Variants in ZNF644 observed in about 807,000 individuals in gnomAD.
The protein encoded by ZNF644 is zinc finger protein 644.
Under a neutral mutation model 108.0 loss-of-function variants are expected in ZNF644, and 20 were observed. The observed-to-expected ratio is 0.19, with a 90% CI of 0.13 to 0.27. The LOEUF (loss-of-function observed/expected upper bound fraction) is 0.27. Ranked by LOEUF, ZNF644 falls within the 10% of genes least tolerant of loss-of-function variation. ZNF644 has a pLI of 1.00. For synonymous variants in ZNF644, 542 were observed against 539.1 expected, an observed-to-expected ratio of 1.01 and a Z score of -0.08; for missense variants, 1,338 against 1,548.9, an observed-to-expected ratio of 0.86 and a Z score of 2.29.
intron 2 of ZNF644, among the ~76,000 whole-genome samples, chr1:90,970,583 T>C (rs1178570692): frequency 1.3e-5 from 2 of 152,194 alleles, no homozygotes. Context: ...AATTCCAATC[T>C]AAATGACTCT....
intron 2 of ZNF644, among the ~76,000 whole-genome samples, chr1:90,947,805 C>T (rs1031621778): frequency 6.6e-6 from 1 of 152,092 alleles, no homozygotes; most frequent in Non-Finnish European, 1.5e-5. Flanking sequence ...AACTATTGAA[C>T]ATTGTAGCTT....
In ZNF644 at chr1:91,001,471, A is replaced by G. The variant is rs183517564; in HGVS notation, c.-17-19101T>C. On this transcript the variant is annotated intron_variant, in intron 1 of 5. Transcript: ENST00000337393. ...CTCAATAGATGCAGAAAAGGCCTTC[A>G]ACAAAATTCAACAGCCCTTCATGCT... 5.2e-3 allele frequency among the ~76,000 whole-genome samples: 798 copies of G among 152,294 alleles called. 6 individuals carry two copies. Among genetic ancestry groups the G allele is most frequent in the African/African-American group, 0.018 (735 of 41,568 alleles).
intron 1 of ZNF644, among the ~76,000 whole-genome samples, chr1:91,011,007 ATAAT>A (rs563606401): frequency 2.6e-5 from 4 of 152,244 alleles, no homozygotes; most frequent in Non-Finnish European, 5.9e-5. Flanking sequence ...TCTGAAAACT[ATAAT>A]TAAGAACATT....
At chr1:91,016,526 T>C (rs1170703435) in intron 1 of ZNF644, among the ~76,000 whole-genome samples, 3 of 152,142 alleles carry the variant, frequency 2.0e-5, no homozygotes, top group Non-Finnish European at 4.4e-5. Context: ...ACATAGAACA[T>C]AAAATACAGT....
intron 2 of ZNF644, among the ~76,000 whole-genome samples, chr1:90,958,923 T>C (rs1331405261): frequency 6.9e-6 from 1 of 145,374 alleles, no homozygotes; most frequent in Non-Finnish European, 1.5e-5. Context: ...TTCTTTGACA[T>C]CAAAAGCACG....
In ZNF644 at chr1:90,941,134, G is replaced by A. The variant is rs1443560004; in HGVS notation, c.220C>T (p.Leu74=). 3 of 1,613,950 alleles carry A rather than the reference G, an allele frequency of 1.9e-6. No individual in the cohort carries two copies. The highest frequency in any genetic ancestry group is 1.1e-5 in the South Asian group (1 of 91,040). The change falls in exon 3 of 6, where the codon CTG becomes TTG. Residue 74 remains leucine (L), a synonymous_variant. Coordinates refer to ENST00000337393, the MANE Select transcript of ZNF644 (RefSeq NM_201269.3). The stretch of plus-strand genomic sequence containing the variant: ...TTGTCCTTTGACAGTTCTTCAGGCA[G>A]AGTCAACGTATTATTTTTCTGAAAT... The part of the protein sequence containing the change: ...TSFQKNNTLT[L]PEELSKDKSE...
At chr1:90,948,855 A>T (rs1652796506) in intron 2 of ZNF644, among the ~76,000 whole-genome samples, 1 of 152,226 alleles carries the variant, frequency 6.6e-6, no homozygotes, top group African/African-American at 2.4e-5. Flanking sequence ...ATACCTCAGT[A>T]ATTAAGTTTT....
chr1:90,960,767 A>G (rs1183920600), intron 2 of ZNF644, among the ~76,000 whole-genome samples: 2 of 152,120 alleles, frequency 1.3e-5, no homozygotes, highest in Non-Finnish European at 2.9e-5. Flanking sequence ...CATTGCAACA[A>G]GTAAAAAATG....
At chr1:90,985,738 T>C (rs1400586853) in intron 1 of ZNF644, among the ~76,000 whole-genome samples, 1 of 152,200 alleles carries the variant, frequency 6.6e-6, no homozygotes, top group African/African-American at 2.4e-5. Flanking sequence ...ATTTTAGCTA[T>C]TGTGAATAAT....
chr1:90,944,964 C>T (rs535237332), intron 2 of ZNF644, among the ~76,000 whole-genome samples: 34 of 152,214 alleles, frequency 2.2e-4, no homozygotes, highest in African/African-American at 7.9e-4. Context: ...TATTTTACTA[C>T]ATTCATGTTG....
rs1025831751 is a variant in ZNF644, at chr1:91,022,008, T to C, written c.-36A>G. On this transcript the variant is annotated 5_prime_UTR_variant, in exon 1 of 6. Coordinates refer to ENST00000337393, the MANE Select transcript of ZNF644 (RefSeq NM_201269.3). ...AACTCACAGTTTGGTGCCGTGTGCG[T>C]CAAACCGGGGCGACGTTGGGAGCAC... 6.3e-5 allele frequency: 25 copies of C among 398,664 alleles called. No homozygotes were observed. The highest frequency in any genetic ancestry group is 6.2e-4 in the Middle Eastern group (1 of 1,610). 24.7% of individuals were successfully genotyped at this position (398,664 alleles called of 1,614,324 possible).
intron 2 of ZNF644, among the ~76,000 whole-genome samples, chr1:90,963,765 GAAAAAACAGGGATAGT>G (rs1386414406): frequency 6.6e-6 from 1 of 152,042 alleles, no homozygotes; most frequent in Non-Finnish European, 1.5e-5. Flanking sequence ...ACCTGGGAAA[GAAAAAACAGGGATAGT>G]GACTGAGAAA....
chr1:91,003,684 T>A (rs1659123754), intron 1 of ZNF644, among the ~76,000 whole-genome samples: 1 of 150,022 alleles, frequency 6.7e-6, no homozygotes, highest in Admixed American at 6.6e-5. Context: ...AGTATAATAA[T>A]ATCAAAAAAA....
intron 2 of ZNF644, among the ~76,000 whole-genome samples, chr1:90,976,646 A>T (rs1440015694): frequency 6.6e-6 from 1 of 152,210 alleles, no homozygotes; most frequent in Admixed American, 6.5e-5. Flanking sequence ...CTTTCTTTGG[A>T]AAAACTACTG....
At chr1:90,987,172 A>G (rs1448061551) in intron 1 of ZNF644, among the ~76,000 whole-genome samples, 1 of 150,850 alleles carries the variant, frequency 6.6e-6, no homozygotes, top group Non-Finnish European at 1.5e-5. Context: ...AAAATAATAC[A>G]TATTAGGGCA....
At chr1:91,000,064 C>A (rs1322556020) in intron 1 of ZNF644, among the ~76,000 whole-genome samples, 1 of 152,168 alleles carries the variant, frequency 6.6e-6, no homozygotes, top group African/African-American at 2.4e-5. Flanking sequence ...TACAAAGAGA[C>A]TTAGACTCCC....
At chr1:90,951,406 TAGAC>T (rs1407488697) in intron 2 of ZNF644, among the ~76,000 whole-genome samples, 1 of 152,246 alleles carries the variant, frequency 6.6e-6, no homozygotes, top group African/African-American at 2.4e-5. Context: ...CACTCTGCTG[TAGAC>T]ACATTGGCTT....
chr1:90,938,017 T>A lies in ZNF644; in HGVS notation c.3156A>T (p.Gly1052=), dbSNP rs1160046016. ...AGTGGCCTCTAACATGATTTGATAA[T>A]CCAATTTTAGTATCAAACCAACCAC... The part of the protein sequence containing the change: ...LCGGWFDTKI[G]LSNHVRGHLK... The change falls in exon 4 of 6, where the codon GGA becomes GGT. Residue 1052 remains glycine (G), a synonymous_variant. Transcript: ENST00000337393. This position sits in a 1 kb window ranked among gnomAD's most constrained non-coding sequence, Gnocchi z 4.2. 6.2e-7 allele frequency: 1 copy of A among 1,611,072 alleles called. No individual in the cohort carries two copies. The highest frequency in any genetic ancestry group is 1.7e-5 in the Admixed American group (1 of 59,992).
intron 1 of ZNF644, among the ~76,000 whole-genome samples, chr1:91,019,205 CAGTAGA>C (rs996509961): frequency 1.3e-5 from 2 of 152,186 alleles, no homozygotes; most frequent in Admixed American, 6.5e-5. Flanking sequence ...AGGTACCACT[CAGTAGA>C]AGTAGTAGTC....
Sources: allele counts gnomAD v4.1 joint callset (sites outside exome capture counted in the v4.1 genomes callset), GRCh38; gene constraint gnomAD v4.1.1; non-coding constraint Gnocchi (gnomAD v3.1); transcripts MANE v1.5; gene names NCBI Gene and HGNC (gene_info 2026-07-23, HGNC 2026-07-21).